The following ASB3 variants were observed in gnomAD, a reference collection of about 807,000 sequenced individuals.
The protein encoded by ASB3 is ankyrin repeat and SOCS box protein 3.
Under a neutral mutation model 54.5 loss-of-function variants are expected in ASB3, and 41 were observed. The observed-to-expected ratio is 0.75, with a 90% CI of 0.59 to 0.98. ASB3 has a LOEUF of 0.98. Ranked by LOEUF, ASB3 falls within the 50% of genes least tolerant of loss-of-function variation. The pLI, the probability that ASB3 is intolerant of heterozygous loss-of-function variation, is 0.00. For synonymous variants in ASB3, 266 were observed against 221.2 expected (o/e 1.20, Z -1.80); for missense variants, 733 against 620.0 (o/e 1.18, Z -1.94).
At chr2:53,672,111 T>C (rs867316001) in intron 9 of ASB3, among the ~76,000 whole-genome samples, 2 of 152,250 alleles carry the variant, frequency 1.3e-5, no homozygotes, top group African/African-American at 2.4e-5. Flanking sequence ...AGTTTACTAG[T>C]TTAGGTTTAG....
intron 9 of ASB3, among the ~76,000 whole-genome samples, chr2:53,673,982 A>G (rs1336142605): frequency 6.6e-6 from 1 of 152,212 alleles, no homozygotes; most frequent in African/African-American, 2.4e-5. Flanking sequence ...TTAATATGCC[A>G]GTAAATACTA....
intron 4 of ASB3, among the ~76,000 whole-genome samples, chr2:53,729,133 G>A (rs1025575402): frequency 6.6e-5 from 10 of 152,094 alleles, no homozygotes; most frequent in African/African-American, 2.4e-4. Context: ...AAGCACTAAG[G>A]AGCCATCACA....
At chr2:53,784,377 G>A (rs950988575) in intron 1 of ASB3, among the ~76,000 whole-genome samples, 1 of 152,122 alleles carries the variant, frequency 6.6e-6, no homozygotes, top group Non-Finnish European at 1.5e-5. Context: ...TTCTAAACTG[G>A]TTGAGACTTG....
chr2:53,765,330 T>C (rs1673379413), intron 2 of ASB3, 47 bp downstream of exon 2: 2 of 1,610,312 alleles, frequency 1.2e-6, no homozygotes, highest in African/African-American at 2.7e-5. Context: ...TTATGTTTTA[T>C]TAATCCAGCT....
chr2:53,698,961 T>C (rs1244072012), intron 8 of ASB3, among the ~76,000 whole-genome samples: 1 of 152,220 alleles, frequency 6.6e-6, no homozygotes, highest in Non-Finnish European at 1.5e-5. Context: ...ACAGCCCCAC[T>C]TCTCAGTACC....
intron 1 of ASB3, chr2:53,786,610 G>A (rs1675025158): frequency 6.6e-6 from 1 of 152,446 alleles, no homozygotes; most frequent in Non-Finnish European, 1.5e-5. Flanking sequence ...AGAAAAAGAA[G>A]AAAAGCTGCA....
intron 7 of ASB3, among the ~76,000 whole-genome samples, chr2:53,704,302 G>C (rs895448133): frequency 6.7e-6 from 1 of 149,838 alleles, no homozygotes; most frequent in East Asian, 2.0e-4. Flanking sequence ...AGAGGTTGCA[G>C]TGAGTCAAGA....
Position 53,670,454 on chromosome 2 carries a change from G to A in ASB3, c.*49C>T, listed in dbSNP as rs559318926. ...TTGTACTCTGTGGCTCTTTTGTCTC[G>A]ATGATTTTTCAGAGAAAAAAATTAG... On this transcript the variant is annotated 3_prime_UTR_variant, in exon 10 of 10. Transcript: ENST00000263634. The A allele has an allele frequency of 7.0e-6, 11 of 1,575,070 alleles. No homozygotes were observed. The East Asian group carries it at 1.8e-4, about 26-fold the overall frequency.
At chr2:53,704,834 T>A (rs952047885) in intron 7 of ASB3, among the ~76,000 whole-genome samples, 2 of 152,198 alleles carry the variant, frequency 1.3e-5, no homozygotes, top group Non-Finnish European at 2.9e-5. Context: ...TCAAGATGAT[T>A]CCCTGTGCTT....
chr2:53,674,280 T>A (rs997396967), intron 9 of ASB3, among the ~76,000 whole-genome samples: 3 of 152,204 alleles, frequency 2.0e-5, no homozygotes, highest in African/African-American at 7.2e-5. Context: ...CACTTCTAAG[T>A]CACTTTTCTG....
At chr2:53,701,755 C>T (rs1417339551) in intron 7 of ASB3, among the ~76,000 whole-genome samples, 1 of 152,102 alleles carries the variant, frequency 6.6e-6, no homozygotes. Context: ...AGATACTTTT[C>T]AGAAGAGGTA....
At chr2:53,692,112 G>C (rs1006940989) in intron 9 of ASB3, among the ~76,000 whole-genome samples, 5 of 152,226 alleles carry the variant, frequency 3.3e-5, no homozygotes, top group African/African-American at 1.2e-4. Context: ...CCTAACAATT[G>C]TGACAACCAA....
intron 1 of ASB3, among the ~76,000 whole-genome samples, chr2:53,769,772 G>T (rs970568586): frequency 6.6e-6 from 1 of 152,154 alleles, no homozygotes; most frequent in Non-Finnish European, 1.5e-5. Context: ...CGCTTGGGAG[G>T]CAGACGTTGC....
chr2:53,776,251 A>C (rs1279886351), intron 1 of ASB3, among the ~76,000 whole-genome samples: 1 of 152,232 alleles, frequency 6.6e-6, no homozygotes, highest in African/African-American at 2.4e-5. Flanking sequence ...CCAACATTTT[A>C]AATATTAGTT....
intron 3 of ASB3, among the ~76,000 whole-genome samples, chr2:53,729,849 C>G (rs954171177): frequency 6.6e-6 from 1 of 152,176 alleles, no homozygotes; most frequent in African/African-American, 2.4e-5. Flanking sequence ...CAGCCTAGCT[C>G]TAGTTTGTTA....
chr2:53,769,958 G>C (rs1325045009), intron 1 of ASB3, among the ~76,000 whole-genome samples: 5 of 152,160 alleles, frequency 3.3e-5, no homozygotes, highest in African/African-American at 9.7e-5. Context: ...TCACATGTTA[G>C]TTTGCATTCT....
chr2:53,710,281 A>G (rs1670021666), intron 7 of ASB3, among the ~76,000 whole-genome samples: 6 of 152,106 alleles, frequency 3.9e-5, no homozygotes, highest in Admixed American at 3.3e-4. Context: ...TCTTTCCTAT[A>G]TCTTTCATTT....
At chr2:53,733,835 A>C (rs10171954) in intron 3 of ASB3, among the ~76,000 whole-genome samples, 1 of 152,096 alleles carries the variant, frequency 6.6e-6, no homozygotes, top group African/African-American at 2.4e-5. Context: ...TTGGAGCTGA[A>C]AGCCTTGAAC....
intron 1 of ASB3, among the ~76,000 whole-genome samples, chr2:53,771,207 A>C (rs1558573557): frequency 3.3e-5 from 5 of 151,876 alleles, no homozygotes. Context: ...TTTATGTCAT[A>C]TTTTTTTTCC....
Sources: allele counts gnomAD v4.1 joint callset (sites outside exome capture counted in the v4.1 genomes callset), GRCh38; gene constraint gnomAD v4.1.1; transcripts MANE v1.5; gene names NCBI Gene and HGNC (gene_info 2026-07-23, HGNC 2026-07-21).